The following NAA11 variants were observed in gnomAD, a reference collection of about 807,000 sequenced individuals.
The protein encoded by NAA11 is N-alpha-acetyltransferase 11, NatA catalytic subunit.
NAA11 carries 15 observed loss-of-function variants against 16.1 expected under a neutral mutation model. The ratio of observed to expected loss-of-function variants is 0.93; its 90% CI spans 0.62 to 1.44. The LOEUF (loss-of-function observed/expected upper bound fraction) is 1.44, where lower values mean the gene tolerates loss of function less well. NAA11 is among the 40% of genes most tolerant of loss of function. The probability of loss-of-function intolerance (pLI) is 0.00; values close to 1 mark genes in which losing one functional copy is unlikely to be tolerated. For missense variants in NAA11, 298 were observed against 291.3 expected (o/e 1.02, Z -0.17); for synonymous variants, 122 against 112.4 (o/e 1.09, Z -0.54).
chr4:79,170,765 C>G, the NAA11 span, among the ~76,000 whole-genome samples: 1 of 151,966 alleles, frequency 6.6e-6, no homozygotes, highest in Admixed American at 6.6e-5. Flanking sequence ...GTTCCTCCTT[C>G]TGAATATTTT....
chr4:79,157,217 A>G, the NAA11 span, among the ~76,000 whole-genome samples: 1 of 152,124 alleles, frequency 6.6e-6, no homozygotes. Flanking sequence ...AGCAGTATAC[A>G]CTGAACCCAA....
intron 1 of NAA11, 86 bp downstream of exon 1, chr4:79,325,090 G>C: frequency 8.1e-7 from 1 of 1,231,602 alleles, no homozygotes; most frequent in Non-Finnish European, 1.1e-6. Flanking sequence ...GGCCAGAATG[G>C]GGTAAGACAG....
At chr4:79,250,583 T>G (rs1721972735) in intron 2 of NAA11, among the ~76,000 whole-genome samples, 1 of 152,180 alleles carries the variant, frequency 6.6e-6, no homozygotes, top group Admixed American at 6.5e-5. Flanking sequence ...AAAGATTTCA[T>G]GATGAAGACG....
the NAA11 span, among the ~76,000 whole-genome samples, chr4:79,168,413 A>G: frequency 6.6e-6 from 1 of 152,180 alleles, no homozygotes; most frequent in Non-Finnish European, 1.5e-5. Flanking sequence ...GTCAAATGGT[A>G]TTTCTGGTTC....
chr4:79,229,691 T>C (rs1721412017), intron 2 of NAA11, among the ~76,000 whole-genome samples: 1 of 151,966 alleles, frequency 6.6e-6, no homozygotes, highest in African/African-American at 2.4e-5. Flanking sequence ...CCTGGTATGA[T>C]ATTGAGTTCT....
chr4:79,208,158 A>G, the NAA11 span, among the ~76,000 whole-genome samples: 1 of 152,186 alleles, frequency 6.6e-6, no homozygotes, highest in Non-Finnish European at 1.5e-5. Context: ...GCGAGAATCA[A>G]GGGCTCTAAC....
chr4:79,286,182 A>G (rs1051591732), intron 2 of NAA11, among the ~76,000 whole-genome samples: 3 of 152,072 alleles, frequency 2.0e-5, no homozygotes, highest in African/African-American at 7.2e-5. Flanking sequence ...AATTCTACGA[A>G]CCCACAATGG....
the NAA11 span, among the ~76,000 whole-genome samples, chr4:79,189,105 C>T: frequency 8.4e-6 from 1 of 119,026 alleles, no homozygotes; most frequent in Non-Finnish European, 1.6e-5. Flanking sequence ...GAGATCGCAC[C>T]ACTTCACTCC....
the NAA11 span, among the ~76,000 whole-genome samples, chr4:79,179,457 C>T: frequency 6.6e-6 from 1 of 152,076 alleles, no homozygotes; most frequent in African/African-American, 2.4e-5. Context: ...TTCTAAAGGC[C>T]TATTAAAAAG....
chr4:79,219,329 G>A, the NAA11 span, among the ~76,000 whole-genome samples: 1 of 152,102 alleles, frequency 6.6e-6, no homozygotes, highest in Non-Finnish European at 1.5e-5. Context: ...CAGTAGACCT[G>A]ACAGACTATA....
chr4:79,167,821 AAG>A, the NAA11 span, among the ~76,000 whole-genome samples: 1 of 152,168 alleles, frequency 6.6e-6, no homozygotes. Context: ...GGTCAAAAGG[AAG>A]AGAGAGATGG....
the NAA11 span, among the ~76,000 whole-genome samples, chr4:79,161,543 C>T: frequency 6.6e-6 from 1 of 152,140 alleles, no homozygotes. Context: ...ATCTTCATGT[C>T]AATATCCACA....
the NAA11 span, among the ~76,000 whole-genome samples, chr4:79,171,616 T>C: frequency 2.0e-5 from 3 of 152,186 alleles, no homozygotes; most frequent in African/African-American, 7.2e-5. Flanking sequence ...GCATCTCATA[T>C]GGATTTATAA....
chr4:79,221,286 G>A (rs1934872497), downstream of NAA11, among the ~76,000 whole-genome samples: 1 of 151,568 alleles, frequency 6.6e-6, no homozygotes, highest in African/African-American at 2.4e-5. Context: ...TGAGACAGTG[G>A]GGTTTTCTAG....
chr4:79,303,076 TTATATATATATATATATA>T lies in NAA11; in HGVS notation c.*13-8980_*13-8963del, dbSNP rs59261096. ...TTCATTCCTGTTCTCTTGAGGCCTTTTATATATATATATATATATATATATATATATATATATATATAT... is the reference window on the plus strand; with the variant it reads ...TTCATTCCTGTTCTCTTGAGGCCTTTTATATATATATATATATATATATAT... On this transcript the variant is annotated intron_variant and NMD_transcript_variant, in intron 1 of 2. Coordinates refer to the NAA11 transcript ENST00000511542. Among the ~76,000 whole-genome samples the T allele has an allele frequency of 7.8e-3, 525 of 67,520 alleles. 8 individuals are homozygous for T. The highest frequency in any genetic ancestry group is 0.02 in the South Asian group (32 of 1,582). The allele number at this position is 67,520 out of a possible 152,430, so 44.3% of individuals were successfully genotyped here.
chr4:79,191,611 T>C, the NAA11 span, among the ~76,000 whole-genome samples: 22 of 152,252 alleles, frequency 1.4e-4, no homozygotes, highest in South Asian at 4.1e-4. Context: ...TTTGCAAATA[T>C]TTTCTCCCAT....
At chr4:79,201,127 A>T in the NAA11 span, among the ~76,000 whole-genome samples, 8 of 151,658 alleles carry the variant, frequency 5.3e-5, no homozygotes, top group East Asian at 1.5e-3. Context: ...ATTTTAAAAT[A>T]TAGTGCATGG....
intron 2 of NAA11, among the ~76,000 whole-genome samples, chr4:79,273,924 A>G (rs183056109): frequency 6.6e-6 from 1 of 152,194 alleles, no homozygotes; most frequent in African/African-American, 2.4e-5. Context: ...TGAAGAATCC[A>G]TATGTCCATT....
the NAA11 span, among the ~76,000 whole-genome samples, chr4:79,217,090 C>A: frequency 3.9e-5 from 6 of 152,178 alleles, no homozygotes; most frequent in Non-Finnish European, 5.9e-5. Context: ...AGACAACAAA[C>A]CTCTTCATTG....
Sources: allele counts gnomAD v4.1 joint callset (sites outside exome capture counted in the v4.1 genomes callset), GRCh38; gene constraint gnomAD v4.1.1; transcripts MANE v1.5; gene names NCBI Gene and HGNC (gene_info 2026-07-23, HGNC 2026-07-21).